The following METTL15 variants were observed in gnomAD, a reference collection of about 807,000 sequenced individuals.
The protein encoded by METTL15 is methyltransferase 15, mitochondrial 12S rRNA N4-cytidine, also known as 12S rRNA N(4)-cytidine methyltransferase METTL15.
METTL15 carries 34 observed loss-of-function variants against 38.3 expected under a neutral mutation model. The ratio of observed to expected loss-of-function variants is 0.89; its 90% CI spans 0.68 to 1.18. The LOEUF is 1.18. METTL15 is among the 50% of genes most tolerant of loss of function. The probability of loss-of-function intolerance (pLI) is 0.00; values close to 1 mark genes in which losing one functional copy is unlikely to be tolerated. For missense variants in METTL15, 438 were observed against 498.4 expected, an observed-to-expected ratio of 0.88 and a Z score of 1.15; for synonymous variants, 162 against 170.9, an observed-to-expected ratio of 0.95 and a Z score of 0.41.
intron 5 of METTL15, among the ~76,000 whole-genome samples, chr11:28,293,978 G>T (rs1305728485): frequency 6.6e-6 from 1 of 152,110 alleles, no homozygotes; most frequent in Non-Finnish European, 1.5e-5. Flanking sequence ...GGGTTTTCTA[G>T]ATATACAATC....
chr11:28,365,268 C>T (rs900820332), intron 5 of METTL15, among the ~76,000 whole-genome samples: 3 of 152,078 alleles, frequency 2.0e-5, no homozygotes, highest in African/African-American at 7.2e-5. Context: ...AGTTTTTGTA[C>T]ATCTGGCAGA....
In METTL15 at chr11:28,220,203, T is replaced by C. The variant is rs1590178223; in HGVS notation, c.407+9005T>C. On this transcript the variant is annotated intron_variant, in intron 4 of 6. Transcript: ENST00000407364. ...ATTGTTGTGTGGGAATCGAAGTCTC[T>C]TTGTAGGTCTCTGAGGACTTGCTTT... 2.6e-5 allele frequency among the ~76,000 whole-genome samples: 4 copies of C among 152,270 alleles called. No homozygotes were observed. In the East Asian group the frequency reaches 7.7e-4, roughly 29 times the overall value.
At chr11:28,271,211 T>C (rs1386709067) in intron 4 of METTL15, among the ~76,000 whole-genome samples, 2 of 152,118 alleles carry the variant, frequency 1.3e-5, no homozygotes, top group African/African-American at 2.4e-5. Flanking sequence ...ATCCCACAAA[T>C]ACCCTTACAA....
intron 6 of METTL15, among the ~76,000 whole-genome samples, chr11:28,321,327 A>G (rs1849459878): frequency 6.6e-6 from 1 of 152,196 alleles, no homozygotes; most frequent in Non-Finnish European, 1.5e-5. Flanking sequence ...AGCCATAAAA[A>G]AAGTGAATGA....
intron 6 of METTL15, among the ~76,000 whole-genome samples, chr11:28,461,003 G>C (rs1851209209): frequency 1.3e-5 from 2 of 152,032 alleles, no homozygotes; most frequent in Admixed American, 1.3e-4. Flanking sequence ...CAGGGATTTA[G>C]AATTCATTTC....
At chr11:28,309,112 C>G (rs929736796) in intron 6 of METTL15, among the ~76,000 whole-genome samples, 1 of 152,156 alleles carries the variant, frequency 6.6e-6, no homozygotes, top group African/African-American at 2.4e-5. Flanking sequence ...AATTTCATGT[C>G]AATACTTTAA....
At chr11:28,522,469 C>A (rs953392858) in intron 6 of METTL15, among the ~76,000 whole-genome samples, 5 of 152,164 alleles carry the variant, frequency 3.3e-5, no homozygotes, top group African/African-American at 1.2e-4. Flanking sequence ...TCTATCCAGG[C>A]CTTCAGCTGA....
intron 4 of METTL15, among the ~76,000 whole-genome samples, chr11:28,225,343 T>A (rs1853431079): frequency 6.6e-6 from 1 of 151,944 alleles, no homozygotes. Flanking sequence ...GTCAATTGAT[T>A]ACGTCTTTAA....
In METTL15 at chr11:28,498,990, T is replaced by C. The variant is rs557454315; in HGVS notation, c.*425-27488T>C. On this transcript the variant is annotated intron_variant and NMD_transcript_variant, in intron 6 of 7. Coordinates refer to the METTL15 transcript ENST00000532947. Reference sequence around the variant, plus strand: ...GAGCTTGACTGCTTGGTTTTATTAATACATCTTAACTCTGCTGTATGATCA... The same window carrying C: ...GAGCTTGACTGCTTGGTTTTATTAACACATCTTAACTCTGCTGTATGATCA... Among the ~76,000 whole-genome samples the C allele has an allele frequency of 6.6e-5, 10 of 152,354 alleles. No homozygotes were observed. The South Asian group carries it at 1.9e-3, about 28-fold the overall frequency.
At chr11:28,220,258 A>G (rs1853134242) in intron 4 of METTL15, among the ~76,000 whole-genome samples, 2 of 152,158 alleles carry the variant, frequency 1.3e-5, no homozygotes, top group East Asian at 1.9e-4. Flanking sequence ...TATTGGGTGC[A>G]TATATATTTA....
intron 5 of METTL15, among the ~76,000 whole-genome samples, chr11:28,423,373 A>G (rs1023518971): frequency 1.3e-5 from 2 of 151,996 alleles, no homozygotes; most frequent in African/African-American, 2.4e-5. Context: ...AAGAAAATCA[A>G]TGTATTGAAT....
chr11:28,386,703 A>G (rs1729204939), intron 5 of METTL15, among the ~76,000 whole-genome samples: 1 of 151,956 alleles, frequency 6.6e-6, no homozygotes, highest in South Asian at 2.1e-4. Flanking sequence ...AACATTATAG[A>G]CCAATTGCAC....
chr11:28,162,566 ACATCCTTATAAAATCATCATAAGTT>A, intron 3 of METTL15, among the ~76,000 whole-genome samples: 1 of 152,316 alleles, frequency 6.6e-6, no homozygotes, highest in East Asian at 1.9e-4. Context: ...TGATGAGGTT[ACATCCTTATAAAATCATCATAAGTT>A]GAAGATGTCA....
chr11:28,216,396 T>C (rs1337044696), intron 4 of METTL15, among the ~76,000 whole-genome samples: 1 of 152,102 alleles, frequency 6.6e-6, no homozygotes, highest in Non-Finnish European at 1.5e-5. Flanking sequence ...AATTAAAAAA[T>C]GATGCTGTTA....
intron 3 of METTL15, among the ~76,000 whole-genome samples, chr11:28,130,960 A>G (rs989422350): frequency 6.6e-6 from 1 of 152,178 alleles, no homozygotes; most frequent in Non-Finnish European, 1.5e-5. Context: ...TAGACACTGT[A>G]AGTCATGGAG....
intron 5 of METTL15, among the ~76,000 whole-genome samples, chr11:28,380,238 G>T (rs932239663): frequency 1.3e-5 from 2 of 149,748 alleles, no homozygotes; most frequent in Non-Finnish European, 3.0e-5. Context: ...CACAATCTCG[G>T]CTCACTGCAA....
At position 28,228,477 on chromosome 11, in the gene METTL15, A is replaced by G. The variant is rs542603476; in HGVS notation, c.407+17279A>G. ...GCATATCTTTTTAATGAGTCATGAA[A>G]TCATTTTGTTGGGTCCTGATCAGAG... On this transcript the variant is annotated intron_variant, in intron 4 of 6. Transcript: ENST00000407364. 9.2e-5 allele frequency among the ~76,000 whole-genome samples: 14 copies of G among 152,066 alleles called. No homozygotes were observed. In the South Asian group the frequency reaches 1.4e-3, roughly 16 times the overall value.
chr11:28,259,249 G>T (rs919982852), intron 4 of METTL15, among the ~76,000 whole-genome samples: 1 of 152,014 alleles, frequency 6.6e-6, no homozygotes, highest in Non-Finnish European at 1.5e-5. Context: ...TGGTTTCCAA[G>T]ATGCAAGACA....
chr11:28,394,182 G>A (rs1466022035), intron 5 of METTL15, among the ~76,000 whole-genome samples: 1 of 152,046 alleles, frequency 6.6e-6, no homozygotes, highest in Non-Finnish European at 1.5e-5. Context: ...GGCAGTAAGG[G>A]AAGGAAGGAA....
Sources: allele counts gnomAD v4.1 joint callset (sites outside exome capture counted in the v4.1 genomes callset), GRCh38; gene constraint gnomAD v4.1.1; transcripts MANE v1.5; gene names NCBI Gene and HGNC (gene_info 2026-07-23, HGNC 2026-07-21).